ANGPT1: variants seen among roughly 807,000 people sequenced by gnomAD.
ANGPT1 encodes angiopoietin-1.
A neutral mutation model predicts 62.2 loss-of-function variants in ANGPT1; 17 were observed. That is an observed-to-expected ratio of 0.27 (90% CI 0.19 to 0.41). ANGPT1 has a LOEUF of 0.41. Ranked by LOEUF, ANGPT1 falls within the 10% of genes least tolerant of loss-of-function variation. The pLI, the probability that ANGPT1 is intolerant of heterozygous loss-of-function variation, is 1.00. For synonymous variants in ANGPT1, 199 were observed against 198.9 expected, an observed-to-expected ratio of 1.00 and a Z score of 0.00; for missense variants, 478 against 594.9, an observed-to-expected ratio of 0.80 and a Z score of 2.04.
At position 107,404,591 on chromosome 8, in the gene ANGPT1, T is replaced by G. The variant is rs79605841; in HGVS notation, c.298-57494A>C. On this transcript the variant is annotated intron_variant, in intron 1 of 8. Transcript: ENST00000517746. The stretch of plus-strand genomic sequence containing the variant: ...GCAGCTGCTAAATCTGTTTAAACAT[T>G]CTTCTTTTGATGGACATTTAGATTG... Among the ~76,000 whole-genome samples, 1,384 of 152,238 alleles carry G rather than the reference T, an allele frequency of 9.1e-3. 15 individuals carry two copies. Among genetic ancestry groups the G allele is most frequent in the African/African-American group, 0.027 (1,114 of 41,560 alleles).
rs1813147857 is a variant in ANGPT1, at chr8:107,497,619, T to TAAA, written c.-64_-62dup. On this transcript the variant is annotated 5_prime_UTR_variant, in exon 1 of 9. Coordinates refer to ENST00000517746, the MANE Select transcript of ANGPT1 (RefSeq NM_001146.5). Reference sequence around the variant, plus strand: ...AAACTTGCTCCTTTCTTCTGACCTCTAAAACTAGTTCTTTATTTCAGGTAA... The same window carrying TAAA: ...AAACTTGCTCCTTTCTTCTGACCTCTAAAAAAACTAGTTCTTTATTTCAGGTAA... 14 of 1,503,448 alleles carry TAAA rather than the reference T, an allele frequency of 9.3e-6. No individual in the cohort carries two copies. Among genetic ancestry groups the TAAA allele is most frequent in the Non-Finnish European group, 1.3e-5 (14 of 1,114,836 alleles). 93.1% of individuals were successfully genotyped at this position (1,503,448 alleles called of 1,614,324 possible).
intron 8 of ANGPT1, among the ~76,000 whole-genome samples, chr8:107,255,344 G>A (rs1813333341): frequency 6.6e-6 from 1 of 152,152 alleles, no homozygotes; most frequent in East Asian, 1.9e-4. Flanking sequence ...GGTTGGCTTG[G>A]CTGGAGTGCC....
chr8:107,268,977 G>A (rs1159281507), intron 7 of ANGPT1, among the ~76,000 whole-genome samples: 4 of 152,046 alleles, frequency 2.6e-5, no homozygotes, highest in African/African-American at 9.7e-5. Context: ...TCACAGAGGA[G>A]CGGCTTATGC....
intron 8 of ANGPT1, among the ~76,000 whole-genome samples, chr8:107,256,582 C>A (rs935357209): frequency 6.6e-6 from 1 of 152,048 alleles, no homozygotes; most frequent in Non-Finnish European, 1.5e-5. Flanking sequence ...GAAGAGTATG[C>A]CTGAGTTTAC....
At chr8:107,283,600 C>A (rs72672508) in intron 7 of ANGPT1, among the ~76,000 whole-genome samples, 1 of 151,972 alleles carries the variant, frequency 6.6e-6, no homozygotes, top group Admixed American at 6.6e-5. Context: ...GATAACCACA[C>A]AGGTTGAAAC....
At chr8:107,293,596 C>T (rs993973284) in intron 6 of ANGPT1, among the ~76,000 whole-genome samples, 2 of 152,126 alleles carry the variant, frequency 1.3e-5, no homozygotes, top group Non-Finnish European at 2.9e-5. Context: ...TGTTCCACAA[C>T]CTGCAACCCT....
intron 1 of ANGPT1, among the ~76,000 whole-genome samples, chr8:107,356,006 T>G (rs1265961669): frequency 1.3e-5 from 2 of 152,222 alleles, no homozygotes; most frequent in African/African-American, 2.4e-5. Flanking sequence ...AATGCATAAA[T>G]GAATTTGTGT....
At chr8:107,326,513 C>A (rs572656466) in intron 3 of ANGPT1, among the ~76,000 whole-genome samples, 1 of 151,682 alleles carries the variant, frequency 6.6e-6, no homozygotes, top group African/African-American at 2.4e-5. Flanking sequence ...CTTTTTTCAT[C>A]TTCTCTTCAT....
At chr8:107,288,111 T>A (rs1030934033) in intron 6 of ANGPT1, among the ~76,000 whole-genome samples, 1 of 152,284 alleles carries the variant, frequency 6.6e-6, no homozygotes, top group Admixed American at 6.5e-5. Flanking sequence ...AAAGGGATAC[T>A]GAAATAATTA....
intron 1 of ANGPT1, among the ~76,000 whole-genome samples, chr8:107,373,365 C>G (rs1337411603): frequency 6.6e-6 from 1 of 151,858 alleles, no homozygotes; most frequent in African/African-American, 2.4e-5. Context: ...CAATGGGTTT[C>G]TAAGTCACAG....
intron 1 of ANGPT1, among the ~76,000 whole-genome samples, chr8:107,466,385 T>C (rs904461223): frequency 6.6e-6 from 1 of 151,932 alleles, no homozygotes; most frequent in South Asian, 2.1e-4. Context: ...ACAACCTGGA[T>C]TCTATGGCTG....
At chr8:107,272,562 C>T (rs1813761638) in intron 7 of ANGPT1, among the ~76,000 whole-genome samples, 2 of 151,894 alleles carry the variant, frequency 1.3e-5, no homozygotes, top group South Asian at 2.1e-4. Context: ...TGTTTCAAAA[C>T]TCTGGTAAAA....
chr8:107,478,137 T>C (rs2130513914), intron 1 of ANGPT1, among the ~76,000 whole-genome samples: 1 of 151,896 alleles, frequency 6.6e-6, no homozygotes, highest in East Asian at 1.9e-4. Context: ...GCAACAGTTA[T>C]TTTGAAAAAT....
At chr8:107,422,451 C>A (rs933544578) in intron 1 of ANGPT1, among the ~76,000 whole-genome samples, 1 of 152,148 alleles carries the variant, frequency 6.6e-6, no homozygotes, top group Non-Finnish European at 1.5e-5. Context: ...ACAAAAACAC[C>A]TTTTACAAAA....
intron 7 of ANGPT1, among the ~76,000 whole-genome samples, chr8:107,264,733 A>T (rs891640699): frequency 2.0e-5 from 3 of 152,240 alleles, no homozygotes; most frequent in Non-Finnish European, 4.4e-5. Context: ...TAATAGCAAT[A>T]AAAGGAGGAA....
chr8:107,480,282 C>A (rs1018905478), intron 1 of ANGPT1, among the ~76,000 whole-genome samples: 1 of 152,004 alleles, frequency 6.6e-6, no homozygotes. Context: ...TAACTTGTAA[C>A]CTATCTGAAC....
At chr8:107,387,486 G>C (rs933116649) in intron 1 of ANGPT1, among the ~76,000 whole-genome samples, 2 of 151,898 alleles carry the variant, frequency 1.3e-5, no homozygotes, top group Admixed American at 1.3e-4. Flanking sequence ...TGAAATAACA[G>C]TTTATACTTG....
At chr8:107,300,889 A>G (rs1159797830) in intron 5 of ANGPT1, among the ~76,000 whole-genome samples, 1 of 151,970 alleles carries the variant, frequency 6.6e-6, no homozygotes, top group African/African-American at 2.4e-5. Context: ...CAGCCATGGA[A>G]GGAGTAAATT....
chr8:107,480,216 T>C (rs1337273097), intron 1 of ANGPT1, among the ~76,000 whole-genome samples: 1 of 152,146 alleles, frequency 6.6e-6, no homozygotes, highest in East Asian at 1.9e-4. Flanking sequence ...GGAAAGTGCA[T>C]AATATGAAAA....
Sources: gnomAD v4.1 joint callset for allele counts (sites outside exome capture counted in the v4.1 genomes callset) on GRCh38, gnomAD v4.1.1 for gene constraint, MANE v1.5 for transcripts, NCBI Gene and HGNC (gene_info 2026-07-23, HGNC 2026-07-21) for gene names.